The following SLIT3 variants were observed in gnomAD, a reference collection of about 807,000 sequenced individuals.
SLIT3 encodes the protein slit guidance ligand 3.
In SLIT3, 68 loss-of-function variants were observed where a neutral mutation model predicts 184.0. That is an observed-to-expected ratio of 0.37 (90% confidence interval 0.30 to 0.45). The LOEUF is 0.45. Ranked by LOEUF, SLIT3 falls within the 20% of genes least tolerant of loss-of-function variation. The pLI is 1.00. For missense variants in SLIT3, 1,707 were observed against 2,026.0 expected (o/e 0.84, Z 3.02); for synonymous variants, 831 against 828.6 (o/e 1.00, Z -0.05).
intron 4 of SLIT3, among the ~76,000 whole-genome samples, chr5:168,969,820 C>T (rs1336072912): frequency 6.6e-6 from 1 of 152,222 alleles, no homozygotes; most frequent in Admixed American, 6.5e-5. Context: ...TCAAAACTAA[C>T]ATTCTCATGG....
At chr5:169,136,333 C>T (rs1293761776) in intron 4 of SLIT3, among the ~76,000 whole-genome samples, 1 of 152,154 alleles carries the variant, frequency 6.6e-6, no homozygotes. Flanking sequence ...GCTACCCTGC[C>T]CATTAAAGGG....
intron 4 of SLIT3, among the ~76,000 whole-genome samples, chr5:169,040,166 G>C (rs748615407): frequency 3.9e-5 from 6 of 152,184 alleles, no homozygotes; most frequent in Admixed American, 6.5e-5. Context: ...TTTTGGGACA[G>C]AGTATATCAA....
chr5:168,867,281 G>A (rs902375203), intron 5 of SLIT3, among the ~76,000 whole-genome samples: 2 of 152,174 alleles, frequency 1.3e-5, no homozygotes, highest in East Asian at 1.9e-4. Context: ...AGAGTAGGCC[G>A]GGGAAGGGAA....
intron 29 of SLIT3, among the ~76,000 whole-genome samples, chr5:168,688,122 C>T (rs911805147): frequency 2.6e-5 from 4 of 152,158 alleles, no homozygotes; most frequent in Non-Finnish European, 5.9e-5. Flanking sequence ...CTGAATGCAC[C>T]GAGGGGCTGA....
chr5:168,908,215 G>T (rs1214646085), intron 4 of SLIT3, among the ~76,000 whole-genome samples: 2 of 151,728 alleles, frequency 1.3e-5, no homozygotes, highest in Non-Finnish European at 2.9e-5. Flanking sequence ...CTGAATACTC[G>T]TCTTTTTAAA....
intron 4 of SLIT3, among the ~76,000 whole-genome samples, chr5:169,143,628 G>A (rs111987724): frequency 0.056 from 8,501 of 152,192 alleles, 805 homozygotes; most frequent in African/African-American, 0.19. Flanking sequence ...GCGAAAACCC[G>A]TCTCTACTAA....
At chr5:169,021,796 T>A (rs2113492478) in intron 4 of SLIT3, among the ~76,000 whole-genome samples, 1 of 152,346 alleles carries the variant, frequency 6.6e-6, no homozygotes, top group South Asian at 2.1e-4. Context: ...AAGACATTAA[T>A]TCTTCGTCTC....
chr5:168,704,573 A>C (rs1240648964), intron 26 of SLIT3, among the ~76,000 whole-genome samples: 1 of 152,216 alleles, frequency 6.6e-6, no homozygotes, highest in Non-Finnish European at 1.5e-5. Flanking sequence ...TCTGAACCTT[A>C]GTTGTTTCAT....
chr5:169,179,276 C>CTTTTTTT (rs370270230), intron 4 of SLIT3, among the ~76,000 whole-genome samples: 27 of 124,938 alleles, frequency 2.2e-4, no homozygotes, highest in Admixed American at 4.3e-4. Context: ...ATTCCTTTTT[C>CTTTTTTT]TTTTTTTTTT....
In SLIT3 at chr5:169,063,325, C is replaced by T. The variant is rs776954235; in HGVS notation, c.413+130154G>A. 3.9e-5 allele frequency among the ~76,000 whole-genome samples: 6 copies of T among 152,174 alleles called. No individual in the cohort carries two copies. In the East Asian group the frequency reaches 7.7e-4, roughly 20 times the overall value. On this transcript the variant is annotated intron_variant, in intron 4 of 35. Coordinates refer to ENST00000519560, the MANE Select transcript of SLIT3 (RefSeq NM_003062.4). ...GCCCCTTGATAGCCATGAGACCCAG[C>T]GCTGGAAGGAGGGGCTGGAAGTTTC...
intron 4 of SLIT3, among the ~76,000 whole-genome samples, chr5:168,997,060 C>T (rs538567460): frequency 6.6e-5 from 10 of 152,226 alleles, no homozygotes; most frequent in African/African-American, 2.2e-4. Context: ...AGGGATCAAC[C>T]GCCTCATTGA....
intron 32 of SLIT3, among the ~76,000 whole-genome samples, chr5:168,678,811 A>C (rs1458867522): frequency 6.6e-6 from 1 of 152,242 alleles, no homozygotes; most frequent in Non-Finnish European, 1.5e-5. Context: ...CCTAAGGTTC[A>C]CACTAAAAGA....
At position 169,175,262 on chromosome 5, in the gene SLIT3, T is replaced by C. The variant is rs141633653; in HGVS notation, c.413+18217A>G. 3.8e-3 allele frequency among the ~76,000 whole-genome samples: 586 copies of C among 152,322 alleles called. 1 individual carries two copies. The highest frequency in any genetic ancestry group is 6.5e-3 in the Admixed American group (99 of 15,298). ...ACAACTCTGGCTGTTGCTATATCCA[T>C]TTACACAGTGAATACTGAGGCTTAG... On this transcript the variant is annotated intron_variant, in intron 4 of 35. Coordinates refer to ENST00000519560, the MANE Select transcript of SLIT3 (RefSeq NM_003062.4).
At chr5:169,210,722 A>G (rs932271573) in intron 3 of SLIT3, among the ~76,000 whole-genome samples, 2 of 152,202 alleles carry the variant, frequency 1.3e-5, no homozygotes, top group African/African-American at 4.8e-5. Flanking sequence ...AAGAGGAGAA[A>G]CAGGAGACAA....
At position 168,993,245 on chromosome 5, in the gene SLIT3, C is replaced by T. The variant is rs558736758; in HGVS notation, c.414-109909G>A. On this transcript the variant is annotated intron_variant, in intron 4 of 35. Coordinates refer to ENST00000519560, the MANE Select transcript of SLIT3 (RefSeq NM_003062.4). ...CAGCCAAGCGCAGAATAGCCAGGTGCTCGAGGCGCTGCTGACAGGCTGCTG... is the reference window on the plus strand; with the variant it reads ...CAGCCAAGCGCAGAATAGCCAGGTGTTCGAGGCGCTGCTGACAGGCTGCTG... Among the ~76,000 whole-genome samples the T allele has an allele frequency of 2.5e-4, 38 of 152,320 alleles. 1 individual carries two copies. The highest frequency in any genetic ancestry group is 1.9e-3 in the Admixed American group (29 of 15,306).
At chr5:168,889,401 T>G (rs973411058) in intron 4 of SLIT3, among the ~76,000 whole-genome samples, 1 of 152,198 alleles carries the variant, frequency 6.6e-6, no homozygotes, top group African/African-American at 2.4e-5. Context: ...CTGAAAGAAC[T>G]GACACCTATC....
intron 5 of SLIT3, among the ~76,000 whole-genome samples, chr5:168,875,400 G>A (rs2113774789): frequency 6.6e-6 from 1 of 152,282 alleles, no homozygotes; most frequent in African/African-American, 2.4e-5. Context: ...GGGAGGCTAA[G>A]GCGGGTGGAT....
At chr5:169,153,579 C>G (rs1285244090) in intron 4 of SLIT3, among the ~76,000 whole-genome samples, 1 of 152,222 alleles carries the variant, frequency 6.6e-6, no homozygotes, top group African/African-American at 2.4e-5. Context: ...AATATGCAGG[C>G]CTGCGTTTTA....
chr5:169,059,285 T>C (rs778007802), intron 4 of SLIT3, among the ~76,000 whole-genome samples: 22 of 151,920 alleles, frequency 1.4e-4, no homozygotes, highest in African/African-American at 4.8e-4. Flanking sequence ...AGGAGCAAAG[T>C]GGGGCAGAGA....
Sources: allele counts gnomAD v4.1 joint callset (sites outside exome capture counted in the v4.1 genomes callset), GRCh38; gene constraint gnomAD v4.1.1; transcripts MANE v1.5; gene names NCBI Gene and HGNC (gene_info 2026-07-23, HGNC 2026-07-21).